ARHGEF7: variants seen among roughly 807,000 people sequenced by gnomAD.
ARHGEF7 encodes the protein PAK-interacting exchange factor beta.
A neutral mutation model predicts 109.8 loss-of-function variants in ARHGEF7; 33 were observed. That is an observed-to-expected ratio of 0.30 (90% CI 0.23 to 0.40). ARHGEF7 has a LOEUF of 0.40. Among genes scored for constraint, ARHGEF7 ranks in the 10% least tolerant of loss-of-function variants. The pLI, the probability that ARHGEF7 is intolerant of heterozygous loss-of-function variation, is 1.00. For missense variants in ARHGEF7, 938 were observed against 1,098.5 expected, an observed-to-expected ratio of 0.85 and a Z score of 2.07; for synonymous variants, 458 against 424.6, an observed-to-expected ratio of 1.08 and a Z score of -0.97.
intron 9 of ARHGEF7, among the ~76,000 whole-genome samples, chr13:111,268,928 A>C (rs1198528336): frequency 6.6e-6 from 1 of 152,198 alleles, no homozygotes; most frequent in Non-Finnish European, 1.5e-5. Flanking sequence ...ATATAAAAGG[A>C]TTAAGATTTT....
chr13:111,208,679 G>A (rs2082159590), intron 3 of ARHGEF7, among the ~76,000 whole-genome samples: 3 of 152,088 alleles, frequency 2.0e-5, no homozygotes, highest in African/African-American at 7.2e-5. Flanking sequence ...GCTGCGGGTT[G>A]CCTGAGACCC....
chr13:111,131,097 T>A lies in ARHGEF7; in HGVS notation c.165+15406T>A, dbSNP rs1484809097. 6.6e-6 allele frequency among the ~76,000 whole-genome samples: 1 copy of A among 152,164 alleles called. No homozygotes were observed. The highest frequency in any genetic ancestry group is 1.9e-4 in the East Asian group (1 of 5,202). ...GATCAGTTCTGTGCTTTGAAAACAA[T>A]ACTCTAGCCATAGCGTGGAGAACAG... On this transcript the variant is annotated intron_variant, in intron 1 of 21. Transcript: ENST00000646102. This position sits in a 1 kb window ranked among gnomAD's most constrained non-coding sequence, Gnocchi z 4.4.
chr13:111,114,723 C>G (rs1009397887), upstream of ARHGEF7: 2 of 152,264 alleles, frequency 1.3e-5, no homozygotes, highest in African/African-American at 4.8e-5. Flanking sequence ...GGGTCTGAAG[C>G]GTCACCGTCC....
rs1475350826 is a variant in ARHGEF7 at position 111,273,364 on chromosome 13, T to C, written c.1074-450T>C. ...CAGCACATAGGTGGGGCCTGCTCGC[T>C]GGACGAACTCGCATCTGGGGATGAC... On this transcript the variant is annotated intron_variant, in intron 9 of 21. Transcript: ENST00000646102. The surrounding 1 kb of genome is among the most constrained non-coding windows in gnomAD (Gnocchi z 4.5). Among the ~76,000 whole-genome samples, 1 of 152,248 alleles carries C rather than the reference T, an allele frequency of 6.6e-6. No individual in the cohort carries two copies. Among genetic ancestry groups the C allele is most frequent in the Non-Finnish European group, 1.5e-5 (1 of 68,042 alleles).
intron 19 of ARHGEF7, chr13:111,293,566 A>C: frequency 1.0e-6 from 1 of 985,336 alleles, no homozygotes; most frequent in African/African-American, 1.7e-5. Flanking sequence ...TGTAGCATCA[A>C]ATCCACACCT....
intron 19 of ARHGEF7, chr13:111,293,326 A>G: frequency 1.0e-6 from 1 of 985,358 alleles, no homozygotes; most frequent in South Asian, 4.7e-5. Context: ...AACCAGCTGC[A>G]GTGAAACTCC....
In ARHGEF7 at chr13:111,216,772, T is replaced by C. The variant is rs566489906; in HGVS notation, c.469-907T>C. 1.7e-4 allele frequency among the ~76,000 whole-genome samples: 26 copies of C among 152,346 alleles called. 1 individual carries two copies. In the South Asian group the frequency reaches 5.2e-3, roughly 30 times the overall value. ...TGCCAGGCGGCCCTTTTCTTGCTCCTGTGCCGGCACGAGCAGGCTTCTCCT... is the reference window on the plus strand; with the variant it reads ...TGCCAGGCGGCCCTTTTCTTGCTCCCGTGCCGGCACGAGCAGGCTTCTCCT... On this transcript the variant is annotated intron_variant, in intron 4 of 21. Transcript: ENST00000646102.
Position 111,250,895 on chromosome 13 carries a change from C to T in ARHGEF7, c.950+6601C>T, listed in dbSNP as rs189231348. ...AAGGGATGGGAGCAGAGTTTCTAGGCCCTCTGGGTGCAGCACCTCCGTGCT... is the reference window on the plus strand; with the variant it reads ...AAGGGATGGGAGCAGAGTTTCTAGGTCCTCTGGGTGCAGCACCTCCGTGCT... On this transcript the variant is annotated intron_variant, in intron 8 of 21. Transcript: ENST00000646102. Among the ~76,000 whole-genome samples the T allele has an allele frequency of 2.4e-4, 37 of 152,318 alleles. 1 individual carries two copies. Among genetic ancestry groups the T allele is most frequent in the Admixed American group, 2.4e-3 (36 of 15,304 alleles).
At chr13:111,206,855 G>A (rs931403200) in intron 3 of ARHGEF7, among the ~76,000 whole-genome samples, 3 of 151,498 alleles carry the variant, frequency 2.0e-5, no homozygotes, top group Admixed American at 6.6e-5. Context: ...CCAGCTACTC[G>A]GGAGGCTGAG....
chr13:111,226,018 A>G (rs1323279479), intron 5 of ARHGEF7, among the ~76,000 whole-genome samples: 1 of 152,236 alleles, frequency 6.6e-6, no homozygotes, highest in Non-Finnish European at 1.5e-5. Context: ...GTGAATACAA[A>G]TGAAAAGCTC....
intron 9 of ARHGEF7, among the ~76,000 whole-genome samples, chr13:111,271,892 T>C (rs2092181562): frequency 6.6e-6 from 1 of 152,204 alleles, no homozygotes; most frequent in African/African-American, 2.4e-5. Flanking sequence ...TATGTATGTG[T>C]TTATTGGAAG....
chr13:111,232,229 G>A (rs2086167069), intron 5 of ARHGEF7, among the ~76,000 whole-genome samples: 1 of 152,074 alleles, frequency 6.6e-6, no homozygotes, highest in African/African-American at 2.4e-5. Flanking sequence ...TAAAACCATT[G>A]AGAGACAGAG....
intron 9 of ARHGEF7, among the ~76,000 whole-genome samples, chr13:111,271,097 G>A (rs1019413626): frequency 5.9e-5 from 9 of 152,296 alleles, no homozygotes; most frequent in Non-Finnish European, 7.3e-5. Flanking sequence ...GCAGGCCGTC[G>A]TCTGTATCAC....
rs1782150679 is a variant in ARHGEF7 at position 111,241,126 on chromosome 13, T to C, written c.760-2746T>C. ...ACTGCACTTGCCTCTCCATGCCTCG[T>C]GACCCCCGGGAAGCTGGCACTGGCT... On this transcript the variant is annotated intron_variant, in intron 6 of 21. Transcript: ENST00000646102. 9 of 1,521,140 alleles carry C rather than the reference T, an allele frequency of 5.9e-6. No individual in the cohort carries two copies. In the South Asian group the frequency reaches 9.9e-5, roughly 17 times the overall value. The allele number at this position is 1,521,140 out of a possible 1,614,324, so 94.2% of individuals were successfully genotyped here.
chr13:111,164,723 A>G (rs2076992053), intron 2 of ARHGEF7, among the ~76,000 whole-genome samples: 1 of 152,208 alleles, frequency 6.6e-6, no homozygotes, highest in African/African-American at 2.4e-5. Context: ...GTTTGAAAGT[A>G]GCTGTCTCAA....
rs1444318176 is a variant in ARHGEF7, at chr13:111,258,033, C to G, written c.951-9515C>G. ...TTCCTGGCTAAGACCTAGTGTTGTGCTGGGGCTCTGAGCCAGTGGCCTTGG... is the reference window on the plus strand; with the variant it reads ...TTCCTGGCTAAGACCTAGTGTTGTGGTGGGGCTCTGAGCCAGTGGCCTTGG... On this transcript the variant is annotated intron_variant, in intron 8 of 21. Transcript: ENST00000646102. The surrounding 1 kb of genome is among the most constrained non-coding windows in gnomAD (Gnocchi z 4.4). Among the ~76,000 whole-genome samples, 2 of 152,244 alleles carry G rather than the reference C, an allele frequency of 1.3e-5. No individual in the cohort carries two copies. The highest frequency in any genetic ancestry group is 2.9e-5 in the Non-Finnish European group (2 of 68,030).
chr13:111,300,715 T>C (rs771575654), intron 19 of ARHGEF7, 33 bp from the exon 20 acceptor site: 14 of 1,437,574 alleles, frequency 9.7e-6, no homozygotes, highest in Non-Finnish European at 1.3e-5. Flanking sequence ...GGTATTCGCC[T>C]GAGGTTTATT....
intron 5 of ARHGEF7, among the ~76,000 whole-genome samples, chr13:111,232,010 C>T (rs1369881519): frequency 2.0e-5 from 3 of 152,194 alleles, no homozygotes; most frequent in South Asian, 2.1e-4. Flanking sequence ...AAACAGAATC[C>T]GTAGAACCAA....
At chr13:111,244,107 G>A in intron 7 of ARHGEF7, 92 bp from the exon 8 acceptor site, 3 of 1,231,598 alleles carry the variant, frequency 2.4e-6, no homozygotes, top group Non-Finnish European at 3.5e-6. Flanking sequence ...TGTTTATTAG[G>A]TTAAGACTTC....
Sources: allele counts gnomAD v4.1 joint callset (sites outside exome capture counted in the v4.1 genomes callset), GRCh38; gene constraint gnomAD v4.1.1; non-coding constraint Gnocchi (gnomAD v3.1); transcripts MANE v1.5; gene names NCBI Gene and HGNC (gene_info 2026-07-23, HGNC 2026-07-21).